The following ALKBH8 variants were observed in gnomAD, a reference collection of about 807,000 sequenced individuals.
ALKBH8 encodes tRNA (carboxymethyluridine(34)-5-O)-methyltransferase ALKBH8.
In ALKBH8, 36 loss-of-function variants were observed where a neutral mutation model predicts 59.8. That is an observed-to-expected ratio of 0.60 (90% CI 0.46 to 0.79). The LOEUF (loss-of-function observed/expected upper bound fraction) is 0.79, where lower values mean the gene tolerates loss of function less well. ALKBH8 is among the 30% of genes least tolerant of loss of function. The pLI is 0.00. For synonymous variants in ALKBH8, 276 were observed against 273.6 expected (o/e 1.01, Z -0.09); for missense variants, 768 against 801.0 (o/e 0.96, Z 0.50).
chr11:107,532,447 T>A, intron 7 of ALKBH8, 41 bp from the exon 8 acceptor site: 1 of 1,468,264 alleles, frequency 6.8e-7, no homozygotes, highest in Non-Finnish European at 9.5e-7. Flanking sequence ...ATCCAAAATT[T>A]CATATACTCC....
intron 9 of ALKBH8, among the ~76,000 whole-genome samples, chr11:107,522,943 G>T (rs1237263600): frequency 6.6e-6 from 1 of 151,914 alleles, no homozygotes; most frequent in Non-Finnish European, 1.5e-5. Context: ...AGAAACAGGG[G>T]ACTACCTGCC....
chr11:107,530,797 T>C (rs1472643731), intron 8 of ALKBH8, among the ~76,000 whole-genome samples: 3 of 152,180 alleles, frequency 2.0e-5, no homozygotes, highest in Non-Finnish European at 4.4e-5. Context: ...CAGAGACAAC[T>C]CTATTAACAT....
At chr11:107,563,097 G>A (rs936233578) in intron 1 of ALKBH8, among the ~76,000 whole-genome samples, 7 of 152,202 alleles carry the variant, frequency 4.6e-5, no homozygotes, top group Admixed American at 4.6e-4. Flanking sequence ...GAGATACAGA[G>A]TTGCAATGTC....
At chr11:107,511,711 G>A (rs999504526) in intron 10 of ALKBH8, among the ~76,000 whole-genome samples, 4 of 151,818 alleles carry the variant, frequency 2.6e-5, no homozygotes, top group African/African-American at 9.7e-5. Flanking sequence ...TAAGTAGCTA[G>A]GATTACAGGC....
intron 3 of ALKBH8, among the ~76,000 whole-genome samples, chr11:107,555,653 G>A (rs4754232): frequency 6.6e-6 from 1 of 152,090 alleles, no homozygotes; most frequent in South Asian, 2.1e-4. Flanking sequence ...GTTTTCCTTC[G>A]AGTCTTATTT....
chr11:107,513,171 C>T (rs1385306926), intron 10 of ALKBH8, among the ~76,000 whole-genome samples: 1 of 152,078 alleles, frequency 6.6e-6, no homozygotes, highest in East Asian at 1.9e-4. Context: ...GTCTAATATG[C>T]AGAATCTATA....
rs1862594863 is a variant in ALKBH8, at chr11:107,510,918, G to C, written c.1406C>G (p.Ser469Cys). 1.3e-6 allele frequency: 2 copies of C among 1,551,570 alleles called. No homozygotes were observed. The highest frequency in any genetic ancestry group is 8.7e-7 in the Non-Finnish European group (1 of 1,146,912). The change falls in exon 11 of 12, where the codon TCC becomes TGC. Residue 469 changes from serine to cysteine, a missense_variant. Transcript: ENST00000428149. Reference protein sequence around the residue: ...VRSGSCDACISIAVIHHFATA... With the variant: ...VRSGSCDACICIAVIHHFATA... ...TGCAAAATGATGAATAACAGCAATGGAGATGCAGGCATCACAAGACCCACT... is the reference window on the plus strand; with the variant it reads ...TGCAAAATGATGAATAACAGCAATGCAGATGCAGGCATCACAAGACCCACT...
chr11:107,515,050 C>G (rs1443454952), intron 10 of ALKBH8, among the ~76,000 whole-genome samples: 3 of 152,128 alleles, frequency 2.0e-5, no homozygotes, highest in Non-Finnish European at 4.4e-5. Flanking sequence ...ATGTAGATTC[C>G]CCACTGACCA....
At chr11:107,537,700 TTAAAA>T (rs1349062095) in intron 7 of ALKBH8, among the ~76,000 whole-genome samples, 2 of 136,812 alleles carry the variant, frequency 1.5e-5, no homozygotes, top group African/African-American at 5.4e-5. Flanking sequence ...ACCCCTGAAC[TTAAAA>T]TAAAAGTTGA....
At chr11:107,512,865 T>C (rs915299073) in intron 10 of ALKBH8, among the ~76,000 whole-genome samples, 1 of 152,172 alleles carries the variant, frequency 6.6e-6, no homozygotes, top group African/African-American at 2.4e-5. Flanking sequence ...GTGTAGAAGA[T>C]TGAAACTGTA....
chr11:107,556,931 A>G lies in ALKBH8; in HGVS notation c.202T>C (p.Cys68Arg). The change falls in exon 3 of 12, where the codon TGT becomes CGT. Residue 68 changes from cysteine to arginine, a missense_variant. Coordinates refer to ENST00000428149, the MANE Select transcript of ALKBH8 (RefSeq NM_138775.3). ...ATTAAGAGAGCATCCACCAGTCCAC[A>G]TTTCTCTAAAACCGGGAGCAGCTGG... ...RNQLLPVLEK[C>R]GLVDALLMPP... 1.2e-6 allele frequency: 2 copies of G among 1,612,248 alleles called. No homozygotes were observed. Among genetic ancestry groups the G allele is most frequent in the Non-Finnish European group, 8.5e-7 (1 of 1,179,132 alleles).
intron 3 of ALKBH8, 111 bp downstream of exon 3, chr11:107,556,655 G>T: frequency 1.4e-6 from 1 of 698,868 alleles, no homozygotes; most frequent in Non-Finnish European, 2.1e-6. Flanking sequence ...AAAAGGAGCT[G>T]CTAACCTGCT....
chr11:107,546,519 G>C (rs1864262440), intron 7 of ALKBH8, among the ~76,000 whole-genome samples: 1 of 152,102 alleles, frequency 6.6e-6, no homozygotes, highest in Non-Finnish European at 1.5e-5. Flanking sequence ...CCTCAGTTAG[G>C]GGAGCACTGA....
At position 107,551,853 on chromosome 11, in the gene ALKBH8, G is replaced by T; in HGVS notation, c.655C>A (p.His219Asn). Residue 219 changes from histidine to asparagine, a missense_variant, in exon 6 of 12, where the codon CAT becomes AAT. Transcript: ENST00000428149. ...EKWLRKGYIK[H>N]KPDQMTINQY... ...TTTATGGTCATTTGATCAGGTTTATGTTTAATGTAACCTTTCCTCAACCAT... is the reference window on the plus strand; with the variant it reads ...TTTATGGTCATTTGATCAGGTTTATTTTTAATGTAACCTTTCCTCAACCAT... The T allele has an allele frequency of 6.4e-7, 1 of 1,557,904 alleles. No individual in the cohort carries two copies. Among genetic ancestry groups the T allele is most frequent in the Non-Finnish European group, 8.6e-7 (1 of 1,158,254 alleles).
intron 8 of ALKBH8, among the ~76,000 whole-genome samples, chr11:107,528,739 T>G (rs2135516404): frequency 6.6e-6 from 1 of 152,318 alleles, no homozygotes; most frequent in East Asian, 1.9e-4. Context: ...GTTAAAGTAA[T>G]GATTTATTTA....
At chr11:107,529,523 G>T (rs546494679) in intron 8 of ALKBH8, among the ~76,000 whole-genome samples, 65 of 147,604 alleles carry the variant, frequency 4.4e-4, no homozygotes, top group African/African-American at 1.3e-3. Context: ...TTTTTTTTTT[G>T]ATATGGAGTC....
rs770779964 is a variant in ALKBH8, at chr11:107,560,862, A to C, written c.32T>G (p.Leu11Arg). The change falls in exon 2 of 12, where the codon CTC (leucine) becomes CGC (arginine). Residue 11 changes from leucine (L) to arginine (R), a missense_variant. Transcript: ENST00000428149. MDSNHQSNYK[L>R]SKTEKKFLRK... ...TAAGAACTTCTTCTCAGTTTTACTG[A>C]GTTTGTAATTACTTTGATGGTTGCT... 1.3e-5 allele frequency: 21 copies of C among 1,612,732 alleles called. No homozygotes were observed. Among genetic ancestry groups the C allele is most frequent in the South Asian group, 7.7e-5 (7 of 90,944 alleles).
At chr11:107,537,041 G>C (rs182708369) in intron 7 of ALKBH8, among the ~76,000 whole-genome samples, 70 of 152,254 alleles carry the variant, frequency 4.6e-4, no homozygotes, top group African/African-American at 1.6e-3. Context: ...CTATGGTGAG[G>C]CCTGAAAAAT....
intron 11 of ALKBH8, among the ~76,000 whole-genome samples, chr11:107,506,312 A>C (rs927757043): frequency 2.6e-5 from 4 of 152,180 alleles, no homozygotes; most frequent in African/African-American, 7.2e-5. Flanking sequence ...CTTCCTTCAG[A>C]GAAAAAGTAC....
Sources: allele counts gnomAD v4.1 joint callset (sites outside exome capture counted in the v4.1 genomes callset), GRCh38; gene constraint gnomAD v4.1.1; transcripts MANE v1.5; gene names NCBI Gene and HGNC (gene_info 2026-07-23, HGNC 2026-07-21).